Variants in LRP1B observed in about 807,000 individuals in gnomAD.
The protein encoded by LRP1B is LDL receptor related protein 1B.
A neutral mutation model predicts 556.6 loss-of-function variants in LRP1B; 217 were observed. The ratio of observed to expected loss-of-function variants is 0.39; its 90% CI spans 0.35 to 0.44. The LOEUF (loss-of-function observed/expected upper bound fraction) is 0.44, where lower values mean the gene tolerates loss of function less well. LRP1B is among the 20% of genes least tolerant of loss of function. The probability of loss-of-function intolerance (pLI) is 1.00; values close to 1 mark genes in which losing one functional copy is unlikely to be tolerated. For synonymous variants in LRP1B, 2,047 were observed against 1,865.8 expected, an observed-to-expected ratio of 1.10 and a Z score of -2.50; for missense variants, 5,053 against 5,620.8, an observed-to-expected ratio of 0.90 and a Z score of 3.23.
Position 141,229,380 on chromosome 2 carries a change from T to A in LRP1B, c.653A>T (p.Tyr218Phe), listed in dbSNP as rs1249397704. ...IANFETIEVF[Y>F]LNGSKMATLS... ...AGTTGCCATTTTACTTCCATTAAGA[T>A]AGAAAACCTCAATTGTTTCAAAATT... Residue 218 changes from tyrosine to phenylalanine, a missense_variant, in exon 6 of 91, where the codon TAT becomes TTT. Tyr to Phe is a conservative substitution (Grantham distance 22). Around this residue, in one of 5 missense-constraint regions of LRP1B, gnomAD observed 3,619 missense variants for 3,931.9 expected, o/e 0.92. Transcript: ENST00000389484. 6.2e-7 allele frequency: 1 copy of A among 1,608,904 alleles called. No individual in the cohort carries two copies. Among genetic ancestry groups the A allele is most frequent in the Admixed American group, 1.7e-5 (1 of 59,858 alleles).
intron 3 of LRP1B, among the ~76,000 whole-genome samples, chr2:141,369,974 A>G (rs2683835): frequency 0.55 from 83,437 of 152,036 alleles, 23,907 homozygotes; most frequent in Middle Eastern, 0.64. Context: ...ACATGGTTTC[A>G]TTCTTTTTTT....
chr2:141,665,687 T>A (rs1168304956), intron 2 of LRP1B, among the ~76,000 whole-genome samples: 3 of 152,166 alleles, frequency 2.0e-5, no homozygotes, highest in Admixed American at 1.3e-4. Flanking sequence ...CAAATGCGCA[T>A]CAATGATAGA....
chr2:141,866,905 G>T (rs4662466), intron 1 of LRP1B, among the ~76,000 whole-genome samples: 46,588 of 151,550 alleles, frequency 0.31, 8,256 homozygotes, highest in Middle Eastern at 0.45. Context: ...TGAAATAAGG[G>T]GGAAAAAAAG....
intron 3 of LRP1B, among the ~76,000 whole-genome samples, chr2:141,376,058 G>T (rs908279317): frequency 2.6e-5 from 4 of 152,180 alleles, no homozygotes; most frequent in African/African-American, 7.2e-5. Context: ...TCCCAGGATT[G>T]CAGAGGAGTG....
intron 32 of LRP1B, among the ~76,000 whole-genome samples, chr2:140,791,326 G>C (rs1473598843): frequency 6.6e-6 from 1 of 152,084 alleles, no homozygotes; most frequent in Non-Finnish European, 1.5e-5. Context: ...CTACTCAGGA[G>C]ACTGAGGTGG....
rs760136286 is a variant in LRP1B, at chr2:141,771,015, C to T, written c.205+39264G>A. Among the ~76,000 whole-genome samples the T allele has an allele frequency of 5.9e-5, 9 of 152,264 alleles. No homozygotes were observed. In the South Asian group the frequency reaches 6.2e-4, roughly 11 times the overall value. On this transcript the variant is annotated intron_variant, in intron 2 of 90. Coordinates refer to ENST00000389484, the MANE Select transcript of LRP1B (RefSeq NM_018557.3). ...GGATTGAACCACTGGACTGACTTCTCGTGTTTTATTATCCTAATATACTTT... is the reference window on the plus strand; with the variant it reads ...GGATTGAACCACTGGACTGACTTCTTGTGTTTTATTATCCTAATATACTTT...
At chr2:142,067,254 A>G (rs923320519) in intron 1 of LRP1B, among the ~76,000 whole-genome samples, 1 of 151,436 alleles carries the variant, frequency 6.6e-6, no homozygotes. Context: ...CCTTCTTCCT[A>G]TGTAAGGTAA....
At chr2:141,376,608 T>C (rs544453039) in intron 3 of LRP1B, among the ~76,000 whole-genome samples, 2 of 150,834 alleles carry the variant, frequency 1.3e-5, no homozygotes, top group South Asian at 2.1e-4. Flanking sequence ...TGCAGAAATG[T>C]TTTAAAATAT....
chr2:140,926,556 T>C (rs1694892888), intron 20 of LRP1B, among the ~76,000 whole-genome samples: 1 of 152,112 alleles, frequency 6.6e-6, no homozygotes, highest in African/African-American at 2.4e-5. Flanking sequence ...TTGCCTAGAC[T>C]GGTCTTGAAC....
intron 52 of LRP1B, 141 bp downstream of exon 52, chr2:140,509,787 C>A: frequency 8.9e-7 from 1 of 1,127,468 alleles, no homozygotes; most frequent in Non-Finnish European, 1.2e-6. Flanking sequence ...CGTCATCCCA[C>A]CTGATTAAGT....
Position 141,674,660 on chromosome 2 carries a change from C to T in LRP1B, c.205+135619G>A, listed in dbSNP as rs138153779. Among the ~76,000 whole-genome samples the T allele has an allele frequency of 3.0e-3, 452 of 152,066 alleles. 1 individual carries two copies. Among genetic ancestry groups the T allele is most frequent in the African/African-American group, 1.0e-2 (415 of 41,516 alleles). On this transcript the variant is annotated intron_variant, in intron 2 of 90. Coordinates refer to ENST00000389484, the MANE Select transcript of LRP1B (RefSeq NM_018557.3). ...AGAATAACCCTGTGAAGCCATTTTC[C>T]TATTGCTATCTTGTTTTCAAATGAG... is the stretch of plus-strand genomic sequence containing the variant.
chr2:141,087,077 T>G (rs960403855), intron 7 of LRP1B, among the ~76,000 whole-genome samples: 1 of 152,118 alleles, frequency 6.6e-6, no homozygotes, highest in South Asian at 2.1e-4. Context: ...TCAATCTGAG[T>G]TTCAGAGAAA....
At chr2:140,627,303 G>T (rs1217203136) in intron 41 of LRP1B, among the ~76,000 whole-genome samples, 1 of 152,312 alleles carries the variant, frequency 6.6e-6, no homozygotes, top group Admixed American at 6.5e-5. Flanking sequence ...ACTGGAGGCA[G>T]ACACACCCTA....
chr2:142,006,174 C>T (rs1473136560), intron 1 of LRP1B, among the ~76,000 whole-genome samples: 4 of 152,102 alleles, frequency 2.6e-5, no homozygotes, highest in Admixed American at 6.5e-5. Flanking sequence ...ACCATCCTTG[C>T]ATGTTTTAAG....
chr2:140,992,309 G>T (rs796094526), intron 16 of LRP1B, among the ~76,000 whole-genome samples: 1 of 152,022 alleles, frequency 6.6e-6, no homozygotes, highest in African/African-American at 2.4e-5. Flanking sequence ...TAAAATGACT[G>T]ATTAGAAATT....
intron 77 of LRP1B, among the ~76,000 whole-genome samples, chr2:140,345,671 TATAG>T (rs1034195510): frequency 6.8e-6 from 1 of 146,818 alleles, no homozygotes; most frequent in Admixed American, 6.9e-5. Context: ...TATATATATA[TATAG>T]ATATATATAT....
chr2:141,735,979 A>G (rs1693449869), intron 2 of LRP1B, among the ~76,000 whole-genome samples: 1 of 152,178 alleles, frequency 6.6e-6, no homozygotes, highest in African/African-American at 2.4e-5. Context: ...GAAACAGATG[A>G]TAGTTATACA....
chr2:141,546,199 T>C (rs1685545776), intron 2 of LRP1B, among the ~76,000 whole-genome samples: 1 of 152,118 alleles, frequency 6.6e-6, no homozygotes, highest in South Asian at 2.1e-4. Context: ...TTTTGATCAC[T>C]TGCAGCTGAA....
chr2:141,888,745 C>T (rs979775327), intron 1 of LRP1B, among the ~76,000 whole-genome samples: 18 of 151,992 alleles, frequency 1.2e-4, no homozygotes, highest in African/African-American at 3.1e-4. Context: ...GCTGACCTGA[C>T]GGAATGACAG....
Sources: gnomAD v4.1 joint callset for allele counts (sites outside exome capture counted in the v4.1 genomes callset) on GRCh38, gnomAD v4.1.1 for gene constraint, gnomAD v4.1.1 regional missense constraint, MANE v1.5 for transcripts, NCBI Gene and HGNC (gene_info 2026-07-23, HGNC 2026-07-21) for gene names.